The following DNAH9 variants were observed in gnomAD, a reference collection of about 807,000 sequenced individuals.
The protein encoded by DNAH9 is dynein axonemal heavy chain 9, also known as DNAH9 variant protein.
In DNAH9, 345 loss-of-function variants were observed where a neutral mutation model predicts 471.6. The observed-to-expected ratio is 0.73, with a 90% CI of 0.67 to 0.80. The LOEUF (loss-of-function observed/expected upper bound fraction) is 0.80, where lower values mean the gene tolerates loss of function less well. Among genes scored for constraint, DNAH9 ranks in the 30% least tolerant of loss-of-function variants. The probability of loss-of-function intolerance (pLI) is 0.00; values close to 1 mark genes in which losing one functional copy is unlikely to be tolerated. For synonymous variants in DNAH9, 2,093 were observed against 2,123.6 expected (o/e 0.99, Z 0.40); for missense variants, 5,407 against 5,609.2 (o/e 0.96, Z 1.15).
intron 61 of DNAH9, among the ~76,000 whole-genome samples, chr17:11,921,461 A>T (rs2151027413): frequency 6.6e-6 from 1 of 152,184 alleles, no homozygotes; most frequent in South Asian, 2.1e-4. Flanking sequence ...GTTCCAGGTG[A>T]CACCACCATA....
intron 65 of DNAH9, among the ~76,000 whole-genome samples, chr17:11,934,810 A>T (rs1974650936): frequency 6.6e-6 from 1 of 152,040 alleles, no homozygotes; most frequent in Non-Finnish European, 1.5e-5. Flanking sequence ...AACTTTTGGT[A>T]AAGTTTCTGT....
At chr17:11,804,831 G>A (rs537942989) in intron 43 of DNAH9, among the ~76,000 whole-genome samples, 3 of 150,460 alleles carry the variant, frequency 2.0e-5, no homozygotes, top group East Asian at 2.0e-4. Flanking sequence ...CCGAGATCGC[G>A]CCACTGTACT....
At position 11,854,113 on chromosome 17, in the gene DNAH9, G is replaced by A. The variant is rs149615491; in HGVS notation, c.9618G>A (p.Arg3206=). The A allele has an allele frequency of 6.2e-7, 1 of 1,614,170 alleles. No individual in the cohort carries two copies. The highest frequency in any genetic ancestry group is 1.1e-5 in the South Asian group (1 of 91,078). The change falls in exon 50 of 69, where the codon CGG becomes CGA. Residue 3206 remains arginine (R), a synonymous_variant. Coordinates refer to ENST00000262442, the MANE Select transcript of DNAH9 (RefSeq NM_001372.4). ...MAPRGRVPKD[R]SWKAAKVTMA... ...CCAGGGGTAGGGTGCCCAAGGACCGGAGCTGGAAGGCTGCTAAGGTCACCA... is the reference window on the plus strand; with the variant it reads ...CCAGGGGTAGGGTGCCCAAGGACCGAAGCTGGAAGGCTGCTAAGGTCACCA...
chr17:11,736,884 A>G (rs1212611650), intron 28 of DNAH9, among the ~76,000 whole-genome samples: 1 of 152,236 alleles, frequency 6.6e-6, no homozygotes, highest in Non-Finnish European at 1.5e-5. Flanking sequence ...AAGGTAGCAG[A>G]GCAACTTATA....
chr17:11,711,723 C>A (rs1296023785), intron 26 of DNAH9, among the ~76,000 whole-genome samples: 1 of 150,998 alleles, frequency 6.6e-6, no homozygotes, highest in East Asian at 1.9e-4. Context: ...GAAGAAACAG[C>A]CATCTTTATA....
intron 49 of DNAH9, among the ~76,000 whole-genome samples, chr17:11,837,935 G>A (rs987634680): frequency 6.6e-6 from 1 of 152,072 alleles, no homozygotes; most frequent in Admixed American, 6.6e-5. Flanking sequence ...CTATCTCCAT[G>A]GTTCCCCACT....
intron 14 of DNAH9, among the ~76,000 whole-genome samples, chr17:11,655,152 C>G (rs1265545760): frequency 6.6e-6 from 1 of 152,034 alleles, no homozygotes; most frequent in African/African-American, 2.4e-5. Flanking sequence ...CCCACCCTTT[C>G]CTCCGAGTCC....
Position 11,694,190 on chromosome 17 carries a change from A to G in DNAH9, c.4746-131A>G, listed in dbSNP as rs2074387617. ...TAGACACATCCATGTATATCTTTGC[A>G]AATATCTCTAAGTGTTTCTTGTGCT... is the stretch of plus-strand genomic sequence containing the variant. On this transcript the variant is annotated intron_variant, in intron 21 of 68. Transcript: ENST00000262442. 1.0e-5 allele frequency: 13 copies of G among 1,259,538 alleles called. No homozygotes were observed. In the Admixed American group the frequency reaches 2.3e-4, roughly 22 times the overall value. 78.0% of individuals were successfully genotyped at this position (1,259,538 alleles called of 1,614,324 possible).
chr17:11,857,908 G>A (rs1326268360), intron 50 of DNAH9, among the ~76,000 whole-genome samples: 2 of 152,092 alleles, frequency 1.3e-5, no homozygotes, highest in African/African-American at 4.8e-5. Context: ...GCTCCCTGAG[G>A]CCTCCCCAGA....
At chr17:11,731,338 G>A (rs1363457090) in intron 28 of DNAH9, among the ~76,000 whole-genome samples, 1 of 151,698 alleles carries the variant, frequency 6.6e-6, no homozygotes, top group East Asian at 1.9e-4. Context: ...AAGAGAAGTA[G>A]AAGCCGGGAT....
Position 11,744,979 on chromosome 17 carries a change from T to A in DNAH9, c.6294T>A (p.Phe2098Leu). Residue 2098 changes from phenylalanine (F) to leucine (L), a missense_variant, in exon 31 of 69, where the codon TTT becomes TTA. Phe to Leu is a conservative substitution (Grantham distance 22, BLOSUM62 0). This residue lies in a region of DNAH9 where 4,636 missense variants were observed against 4,900.3 expected (regional missense o/e 0.95). Transcript: ENST00000262442. Reference sequence around the variant, plus strand: ...TCATGGGCCTGATCGGGGACCTCTTTCCCGCCCTGGATGTCCCCCGGAGGA... The same window carrying A: ...TCATGGGCCTGATCGGGGACCTCTTACCCGCCCTGGATGTCCCCCGGAGGA... ...PIFMGLIGDL[F>L]PALDVPRRRD... 1 of 1,614,108 alleles carries A rather than the reference T, an allele frequency of 6.2e-7. No individual in the cohort carries two copies. Among genetic ancestry groups the A allele is most frequent in the Non-Finnish European group, 8.5e-7 (1 of 1,179,986 alleles).
chr17:11,960,174 G>C (rs796677710), intron 67 of DNAH9, among the ~76,000 whole-genome samples: 2 of 152,166 alleles, frequency 1.3e-5, no homozygotes, highest in Non-Finnish European at 2.9e-5. Flanking sequence ...AGTGGCTCAC[G>C]CCTGTAATCC....
intron 65 of DNAH9, among the ~76,000 whole-genome samples, chr17:11,936,029 GTC>G (rs1219783397): frequency 6.6e-6 from 1 of 152,198 alleles, no homozygotes; most frequent in African/African-American, 2.4e-5. Context: ...GGCAAAGGAA[GTC>G]TGTTTTTCTT....
intron 15 of DNAH9, 50 bp from the exon 16 acceptor site, chr17:11,669,014 T>C: frequency 7.5e-7 from 1 of 1,324,878 alleles, no homozygotes; most frequent in Non-Finnish European, 1.1e-6. Context: ...CTCTACTTTG[T>C]CCATTTTATC....
intron 48 of DNAH9, among the ~76,000 whole-genome samples, chr17:11,823,576 G>T (rs1466097614): frequency 1.3e-5 from 2 of 152,136 alleles, no homozygotes; most frequent in Non-Finnish European, 2.9e-5. Flanking sequence ...AAAAAGCCCT[G>T]TCTCATTTCA....
At chr17:11,670,205 A>T (rs59331122) in intron 17 of DNAH9, among the ~76,000 whole-genome samples, 1 of 152,128 alleles carries the variant, frequency 6.6e-6, no homozygotes, top group African/African-American at 2.4e-5. Flanking sequence ...TATGGATGTC[A>T]CTAAAACTCT....
intron 59 of DNAH9, among the ~76,000 whole-genome samples, chr17:11,895,825 A>T (rs149260820): frequency 2.2e-3 from 329 of 152,356 alleles, no homozygotes; most frequent in Admixed American, 3.3e-3. Flanking sequence ...ATTTAGCATG[A>T]TTCCCTCGAT....
intron 36 of DNAH9, among the ~76,000 whole-genome samples, chr17:11,766,477 A>G (rs539298025): frequency 1.6e-4 from 25 of 152,278 alleles, no homozygotes; most frequent in African/African-American, 5.5e-4. Context: ...ATTTTAAGTA[A>G]CCAGGATAAC....
At position 11,679,859 on chromosome 17, in the gene DNAH9, T is replaced by A. The variant is rs2150740468; in HGVS notation, c.3456T>A (p.Leu1152=). Residue 1152 remains leucine, a synonymous_variant, in exon 18 of 69, where the codon CTT becomes CTA. Coordinates refer to ENST00000262442, the MANE Select transcript of DNAH9 (RefSeq NM_001372.4). ...FQGLVEIMGH[L]MAVKERQSNT... is the part of the protein sequence containing the mutation. The stretch of plus-strand genomic sequence containing the variant: ...GCTTGGTTGAGATCATGGGACACCT[T>A]ATGGCTGTTAAAGAACGGCAGAGTA... 6.2e-7 allele frequency: 1 copy of A among 1,614,044 alleles called. No individual in the cohort carries two copies. Among genetic ancestry groups the A allele is most frequent in the East Asian group, 2.2e-5 (1 of 44,870 alleles).
Sources: allele counts gnomAD v4.1 joint callset (sites outside exome capture counted in the v4.1 genomes callset), GRCh38; gene constraint gnomAD v4.1.1; regional missense constraint gnomAD v4.1.1; transcripts MANE v1.5; gene names NCBI Gene and HGNC (gene_info 2026-07-23, HGNC 2026-07-21).